Variants in ZNF608 observed in about 807,000 individuals in gnomAD.
ZNF608 encodes renal carcinoma antigen NY-REN-36.
A neutral mutation model predicts 109.0 loss-of-function variants in ZNF608; 12 were observed. The observed-to-expected ratio is 0.11, with a 90% CI of 0.07 to 0.18. ZNF608 has a LOEUF of 0.18. ZNF608 is among the 10% of genes least tolerant of loss of function. The probability of loss-of-function intolerance (pLI) is 1.00; values close to 1 mark genes in which losing one functional copy is unlikely to be tolerated. For synonymous variants in ZNF608, 732 were observed against 717.4 expected (o/e 1.02, Z -0.33); for missense variants, 1,707 against 1,879.3 (o/e 0.91, Z 1.70).
intron 2 of ZNF608, among the ~76,000 whole-genome samples, chr5:124,743,481 G>A (rs1442415161): frequency 6.6e-6 from 1 of 152,068 alleles, no homozygotes; most frequent in Non-Finnish European, 1.5e-5. Flanking sequence ...CAAGCTTGGG[G>A]TTTCATTCAG....
At chr5:124,694,519 C>G (rs974292148) in intron 3 of ZNF608, among the ~76,000 whole-genome samples, 1 of 152,024 alleles carries the variant, frequency 6.6e-6, no homozygotes, top group Non-Finnish European at 1.5e-5. Flanking sequence ...TCCACTGCTA[C>G]CCTGTGCTGC....
chr5:124,736,435 G>A (rs188063577), intron 2 of ZNF608, among the ~76,000 whole-genome samples: 7 of 152,194 alleles, frequency 4.6e-5, no homozygotes, highest in Admixed American at 2.6e-4. Flanking sequence ...GGCTATGCAC[G>A]CTTTGGAAAA....
At chr5:124,640,852 A>C (rs1750205139) in intron 8 of ZNF608, among the ~76,000 whole-genome samples, 2 of 152,338 alleles carry the variant, frequency 1.3e-5, no homozygotes, top group Middle Eastern at 6.8e-3. Flanking sequence ...ATGGGAAAAG[A>C]GCAACTTAAA....
chr5:124,728,274 G>T (rs1748711935), intron 2 of ZNF608, among the ~76,000 whole-genome samples: 1 of 152,126 alleles, frequency 6.6e-6, no homozygotes, highest in South Asian at 2.1e-4. Flanking sequence ...TCAATAGGTT[G>T]GTATTGGAGG....
chr5:124,741,785 T>G (rs1030945451), intron 2 of ZNF608, among the ~76,000 whole-genome samples: 1 of 152,166 alleles, frequency 6.6e-6, no homozygotes, highest in Non-Finnish European at 1.5e-5. Context: ...GTGCCAAGGA[T>G]GAAAGCATTC....
intron 2 of ZNF608, among the ~76,000 whole-genome samples, chr5:124,715,470 AT>A (rs1384645210): frequency 6.6e-6 from 1 of 152,242 alleles, no homozygotes; most frequent in African/African-American, 2.4e-5. Flanking sequence ...TCCCTTAACC[AT>A]TAAAATAATT....
At chr5:124,653,329 A>G (rs971468302) in intron 3 of ZNF608, among the ~76,000 whole-genome samples, 8 of 152,214 alleles carry the variant, frequency 5.3e-5, no homozygotes, top group Non-Finnish European at 2.9e-5. Flanking sequence ...GAGACCTCAT[A>G]AGGATTTCAG....
intron 2 of ZNF608, among the ~76,000 whole-genome samples, chr5:124,743,747 T>C (rs959132590): frequency 2.0e-5 from 3 of 152,134 alleles, no homozygotes; most frequent in African/African-American, 7.2e-5. Context: ...AGGTTTTCTA[T>C]TAAAAGCACA....
At chr5:124,698,119 C>G (rs1041101858) in intron 3 of ZNF608, among the ~76,000 whole-genome samples, 34 of 152,200 alleles carry the variant, frequency 2.2e-4, no homozygotes, top group African/African-American at 7.7e-4. Context: ...GTAGCTTACT[C>G]TCCCCTCCCC....
intron 3 of ZNF608, among the ~76,000 whole-genome samples, chr5:124,700,174 T>C (rs1362946945): frequency 6.6e-6 from 1 of 152,220 alleles, no homozygotes. Flanking sequence ...TCTTCTACTC[T>C]ACTCACTCCC....
At chr5:124,655,511 C>G (rs1195290881) in intron 3 of ZNF608, among the ~76,000 whole-genome samples, 1 of 152,178 alleles carries the variant, frequency 6.6e-6, no homozygotes, top group Admixed American at 6.5e-5. Context: ...TCGAATAACA[C>G]CAAATGGTAA....
intron 3 of ZNF608, among the ~76,000 whole-genome samples, chr5:124,656,651 G>A (rs1751021842): frequency 6.6e-6 from 1 of 151,954 alleles, no homozygotes; most frequent in Admixed American, 6.6e-5. Context: ...GTTCTACTCT[G>A]CATTTTAAAA....
At chr5:124,660,635 C>T (rs1039641768) in intron 3 of ZNF608, among the ~76,000 whole-genome samples, 1 of 152,134 alleles carries the variant, frequency 6.6e-6, no homozygotes, top group African/African-American at 2.4e-5. Context: ...GCTTTGTAGC[C>T]GCTTCATCTT....
At chr5:124,669,870 T>G (rs1311152207) in intron 3 of ZNF608, among the ~76,000 whole-genome samples, 1 of 152,118 alleles carries the variant, frequency 6.6e-6, no homozygotes, top group Non-Finnish European at 1.5e-5. Flanking sequence ...TAAAGAAAAA[T>G]GTACATTATA....
intron 3 of ZNF608, among the ~76,000 whole-genome samples, chr5:124,699,580 T>C (rs1374908984): frequency 6.6e-6 from 1 of 152,224 alleles, no homozygotes; most frequent in Non-Finnish European, 1.5e-5. Flanking sequence ...CTTTCTTGTG[T>C]ATTGTCTTTA....
chr5:124,646,615 AG>A (rs1206525820), intron 5 of ZNF608, 63 bp downstream of exon 5: 2 of 1,529,152 alleles, frequency 1.3e-6, no homozygotes, highest in South Asian at 2.6e-5. Flanking sequence ...GATCAAGCCC[AG>A]ACATGTATAA....
chr5:124,735,405 C>A (rs1749101310), intron 2 of ZNF608, among the ~76,000 whole-genome samples: 1 of 147,444 alleles, frequency 6.8e-6, no homozygotes, highest in South Asian at 2.1e-4. Flanking sequence ...GAACGCGCAG[C>A]CCCGGGCCCG....
At chr5:124,669,101 G>A (rs764097187) in intron 3 of ZNF608, among the ~76,000 whole-genome samples, 21 of 151,840 alleles carry the variant, frequency 1.4e-4, no homozygotes, top group Non-Finnish European at 2.6e-4. Context: ...AAAAAAAATC[G>A]GATGGAGCAG....
chr5:124,670,700 CAG>C (rs1751679858), intron 3 of ZNF608, among the ~76,000 whole-genome samples: 1 of 152,090 alleles, frequency 6.6e-6, no homozygotes, highest in African/African-American at 2.4e-5. Context: ...GAGACAGAGA[CAG>C]AGAAAGGAAG....
Sources: gnomAD v4.1 joint callset for allele counts (sites outside exome capture counted in the v4.1 genomes callset) on GRCh38, gnomAD v4.1.1 for gene constraint, MANE v1.5 for transcripts, NCBI Gene and HGNC (gene_info 2026-07-23, HGNC 2026-07-21) for gene names.